Variants in ANK2 observed in about 807,000 individuals in gnomAD.
ANK2 encodes the protein ankyrin 2, also known as ankyrin-2.
ANK2 carries 83 observed loss-of-function variants against 360.5 expected under a neutral mutation model. The observed-to-expected ratio is 0.23, with a 90% CI of 0.19 to 0.28. ANK2 has a LOEUF of 0.28. ANK2 is among the 10% of genes least tolerant of loss of function. The pLI is 1.00. For missense variants in ANK2, 4,201 were observed against 4,795.7 expected (o/e 0.88, Z 3.66); for synonymous variants, 1,740 against 1,759.5 (o/e 0.99, Z 0.28).
At chr4:113,052,817 G>C (rs1036111876) in intron 1 of ANK2, among the ~76,000 whole-genome samples, 1 of 152,158 alleles carries the variant, frequency 6.6e-6, no homozygotes, top group Admixed American at 6.5e-5. Flanking sequence ...AGAATGCACA[G>C]GATACGGGCT....
chr4:113,260,269 G>A (rs1466262992), intron 13 of ANK2, among the ~76,000 whole-genome samples: 1 of 151,962 alleles, frequency 6.6e-6, no homozygotes, highest in African/African-American at 2.4e-5. Flanking sequence ...GTTATATGGG[G>A]TACATGTATA....
Position 113,355,681 on chromosome 4 carries a change from A to G in ANK2, c.7063A>G (p.Thr2355Ala). Residue 2355 changes from threonine (T) to alanine (A), a missense_variant, in exon 38 of 46, where the codon ACC (threonine) becomes GCC (alanine). Thr to Ala is a moderately conservative substitution (Grantham distance 58). Coordinates refer to ENST00000357077, the MANE Select transcript of ANK2 (RefSeq NM_001148.6). ...GGCAGCCTGTGATGAAGGTCAACGT[A>G]CCTTTGGTAGTTCAGCCCACAAGAC... ...EEAACDEGQR[T>A]FGSSAHKTQT... 3 of 1,614,132 alleles carry G rather than the reference A, an allele frequency of 1.9e-6. No homozygotes were observed. The highest frequency in any genetic ancestry group is 3.3e-5 in the Admixed American group (2 of 60,020).
the ANK2 span, among the ~76,000 whole-genome samples, chr4:112,735,860 T>C: frequency 2.0e-5 from 3 of 152,312 alleles, no homozygotes; most frequent in East Asian, 5.8e-4. Flanking sequence ...TCCCAGCCCA[T>C]GGTAACTACT....
chr4:113,111,026 A>C (rs1196629462), intron 1 of ANK2, among the ~76,000 whole-genome samples: 1 of 152,240 alleles, frequency 6.6e-6, no homozygotes, highest in Non-Finnish European at 1.5e-5. Context: ...GTCTATAAAA[A>C]GTACAGAATA....
At chr4:113,211,828 C>A (rs760899801) in intron 4 of ANK2, among the ~76,000 whole-genome samples, 3 of 152,124 alleles carry the variant, frequency 2.0e-5, no homozygotes, top group African/African-American at 4.8e-5. Context: ...CAAAACAATG[C>A]AAAAGTATAT....
chr4:113,286,799 T>G (rs1050144066), intron 18 of ANK2, among the ~76,000 whole-genome samples: 9 of 152,174 alleles, frequency 5.9e-5, no homozygotes, highest in Non-Finnish European at 1.5e-5. Flanking sequence ...AGACAGAAAC[T>G]TTTGTTCACT....
chr4:113,111,082 T>C lies in ANK2; in HGVS notation c.84+61270T>C, dbSNP rs188366454. The stretch of plus-strand genomic sequence containing the variant: ...CACATTTACAGGCTTTTAAGCATTA[T>C]TAATTTATATGTAAATACAAAATTA... On this transcript the variant is annotated intron_variant, in intron 1 of 45. Transcript: ENST00000357077. Among the ~76,000 whole-genome samples the C allele has an allele frequency of 2.6e-5, 4 of 152,338 alleles. No homozygotes were observed. The East Asian group carries it at 7.7e-4, about 29-fold the overall frequency.
At chr4:113,097,913 T>G (rs1408503865) in intron 1 of ANK2, among the ~76,000 whole-genome samples, 2 of 135,662 alleles carry the variant, frequency 1.5e-5, no homozygotes, top group East Asian at 2.1e-4. Context: ...TATATATGTA[T>G]ATATACACAC....
chr4:113,263,987 A>C (rs1279267481), intron 13 of ANK2, among the ~76,000 whole-genome samples: 1 of 152,200 alleles, frequency 6.6e-6, no homozygotes, highest in East Asian at 1.9e-4. Context: ...CTTTCCTGAC[A>C]AATGTGTCAT....
intron 4 of ANK2, among the ~76,000 whole-genome samples, chr4:113,204,120 T>A (rs1196398820): frequency 6.6e-6 from 1 of 152,116 alleles, no homozygotes; most frequent in East Asian, 1.9e-4. Context: ...TAAGAGAATT[T>A]TTTCTTTAGA....
the ANK2 span, among the ~76,000 whole-genome samples, chr4:112,803,211 G>A: frequency 2.6e-5 from 4 of 152,060 alleles, no homozygotes; most frequent in Non-Finnish European, 5.9e-5. Context: ...CCTGAATAAT[G>A]GTCCTCAAGG....
intron 45 of ANK2, among the ~76,000 whole-genome samples, chr4:113,380,799 G>T (rs950729249): frequency 1.3e-5 from 2 of 152,206 alleles, no homozygotes; most frequent in African/African-American, 4.8e-5. Context: ...GGAGGAAGCA[G>T]TTGTCTCTCA....
At chr4:113,310,620 T>G (rs962011702) in intron 23 of ANK2, among the ~76,000 whole-genome samples, 1 of 152,166 alleles carries the variant, frequency 6.6e-6, no homozygotes, top group African/African-American at 2.4e-5. Context: ...TTTCACTATA[T>G]TGGTCAGGCT....
At chr4:113,060,687 T>C (rs1380078245) in intron 1 of ANK2, among the ~76,000 whole-genome samples, 1 of 150,946 alleles carries the variant, frequency 6.6e-6, no homozygotes, top group Non-Finnish European at 1.5e-5. Flanking sequence ...AGCTTTTTTT[T>C]TTTTTTTTTT....
intron 38 of ANK2, among the ~76,000 whole-genome samples, 158 bp downstream of exon 38, chr4:113,359,457 C>G (rs879401640): frequency 9.9e-5 from 15 of 152,058 alleles, no homozygotes; most frequent in Admixed American, 9.8e-4. Context: ...TTTGTGCTTT[C>G]TCTGTATACT....
chr4:113,358,608 A>C lies in ANK2; in HGVS notation c.9990A>C (p.Leu3330=), dbSNP rs777870973. The part of the protein sequence containing the change: ...EYESSVSEDF[L]SSVDEENKAD... ...AGAGTTCAGTTTCTGAAGATTTTCT[A>C]TCCAGTGTAGATGAGGAAAATAAGG... is the stretch of plus-strand genomic sequence containing the variant. The change falls in exon 38 of 46, where the codon CTA becomes CTC. Residue 3330 remains leucine, a synonymous_variant. Transcript: ENST00000357077. The C allele has an allele frequency of 3.5e-5, 56 of 1,613,944 alleles. No individual in the cohort carries two copies. The highest frequency in any genetic ancestry group is 4.7e-5 in the Non-Finnish European group (56 of 1,179,962).
chr4:113,322,385 A>G (rs2086774592), intron 26 of ANK2, among the ~76,000 whole-genome samples: 1 of 152,226 alleles, frequency 6.6e-6, no homozygotes, highest in African/African-American at 2.4e-5. Flanking sequence ...CTTCAGATTC[A>G]CAATGACTCT....
chr4:112,841,763 C>G (rs563341748), intron 1 of ANK2, among the ~76,000 whole-genome samples: 1 of 152,204 alleles, frequency 6.6e-6, no homozygotes, highest in African/African-American at 2.4e-5. Flanking sequence ...CAAACACCCT[C>G]GCCTAGCTGT....
At chr4:113,102,948 G>C (rs1011284406) in intron 1 of ANK2, among the ~76,000 whole-genome samples, 3 of 152,102 alleles carry the variant, frequency 2.0e-5, no homozygotes, top group African/African-American at 7.2e-5. Context: ...AACACAGGGA[G>C]GAGGGGAGGT....
Sources: allele counts gnomAD v4.1 joint callset (sites outside exome capture counted in the v4.1 genomes callset), GRCh38; gene constraint gnomAD v4.1.1; transcripts MANE v1.5; gene names NCBI Gene and HGNC (gene_info 2026-07-23, HGNC 2026-07-21).